SERINC5: variants seen among roughly 807,000 people sequenced by gnomAD.
SERINC5 encodes chromosome 5 open reading frame 12.
In SERINC5, 41 loss-of-function variants were observed where a neutral mutation model predicts 63.1. The observed-to-expected ratio is 0.65, with a 90% CI of 0.51 to 0.84. The LOEUF is 0.84. Ranked by LOEUF, SERINC5 falls within the 40% of genes least tolerant of loss-of-function variation. SERINC5 has a pLI of 0.00. For missense variants in SERINC5, 523 were observed against 573.0 expected (o/e 0.91, Z 0.89); for synonymous variants, 222 against 215.2 (o/e 1.03, Z -0.28).
chr5:80,119,473 T>C (rs1365047702), intron 11 of SERINC5, among the ~76,000 whole-genome samples: 1 of 151,986 alleles, frequency 6.6e-6, no homozygotes, highest in East Asian at 1.9e-4. Context: ...GCTGGGTGGG[T>C]TTGTCAGCAG....
intron 11 of SERINC5, among the ~76,000 whole-genome samples, chr5:80,123,661 G>A (rs951410220): frequency 2.0e-5 from 3 of 152,138 alleles, no homozygotes; most frequent in Admixed American, 1.3e-4. Context: ...ACTTAAAAGC[G>A]GAGCTGCTGT....
rs1301647645 is a variant in SERINC5 at position 80,203,009 on chromosome 5, A to G, written c.72T>C (p.Asp24=). ...CGSAGCSLCC[D]CCPRIRQSLS... is the part of the protein sequence containing the mutation. ...GGGACTGCCGAATCCTGGGGCAGCA[A>G]TCACAGCAGAGAGAGCAGCCTGCAG... Residue 24 remains aspartate (D), a synonymous_variant, in exon 2 of 12, where the codon GAT becomes GAC. Transcript: ENST00000507668. 3.7e-6 allele frequency: 6 copies of G among 1,612,914 alleles called. No individual in the cohort carries two copies. Among genetic ancestry groups the G allele is most frequent in the Non-Finnish European group, 5.1e-6 (6 of 1,179,430 alleles).
chr5:80,210,217 T>G (rs1403272250), intron 1 of SERINC5, among the ~76,000 whole-genome samples: 1 of 152,064 alleles, frequency 6.6e-6, no homozygotes, highest in African/African-American at 2.4e-5. Flanking sequence ...ACATCCTCCC[T>G]CCAACCGCAG....
At chr5:80,193,817 G>A (rs1749341098) in intron 2 of SERINC5, among the ~76,000 whole-genome samples, 1 of 152,254 alleles carries the variant, frequency 6.6e-6, no homozygotes, top group African/African-American at 2.4e-5. Context: ...GAGGGTACAG[G>A]GACTCCTTGC....
At position 80,139,758 on chromosome 5, in the gene SERINC5, G is replaced by A; in HGVS notation, c.*3905C>T. ...TTCAGTAAATTCCACAAGCCAAGTG[G>A]CTACTGCATTGTCCCTGAAGAAGGA... On this transcript the variant is annotated 3_prime_UTR_variant, in exon 12 of 12. Transcript: ENST00000507668. 3 of 985,430 alleles carry A rather than the reference G, an allele frequency of 3.0e-6. No homozygotes were observed. The highest frequency in any genetic ancestry group is 3.6e-6 in the Non-Finnish European group (3 of 829,944). The allele number at this position is 985,430 out of a possible 1,614,324, so 61.0% of individuals were successfully genotyped here.
intron 1 of SERINC5, among the ~76,000 whole-genome samples, chr5:80,220,981 CA>C: frequency 6.6e-6 from 1 of 151,930 alleles, no homozygotes; most frequent in African/African-American, 2.4e-5. Context: ...GGAAGCCCCC[CA>C]AGAGTGGAGG....
At position 80,182,819 on chromosome 5, in the gene SERINC5, T is replaced by A. The variant is rs959021455; in HGVS notation, c.196-4755A>T. Among the ~76,000 whole-genome samples the A allele has an allele frequency of 6.6e-5, 10 of 152,300 alleles. 1 individual carries two copies. Among genetic ancestry groups the A allele is most frequent in the African/African-American group, 2.2e-4 (9 of 41,562 alleles). ...CTTCAGCCTCCCAAAGTTCTGGGAT[T>A]ACAGGCGTGAACCACCATGCCCAGC... On this transcript the variant is annotated intron_variant, in intron 2 of 11. Transcript: ENST00000507668.
intron 2 of SERINC5, among the ~76,000 whole-genome samples, chr5:80,197,282 A>G (rs13177126): frequency 0.63 from 94,714 of 150,012 alleles, 30,336 homozygotes; most frequent in African/African-American, 0.73. Context: ...CGTTTCAGCC[A>G]GAGAGACAGA....
chr5:80,233,805 C>CTTTTTTTTT (rs373920343), intron 1 of SERINC5, among the ~76,000 whole-genome samples: 16 of 69,946 alleles, frequency 2.3e-4, no homozygotes, highest in East Asian at 4.5e-4. Context: ...TCAACTTTTA[C>CTTTTTTTTT]TTTTTTTTTT....
chr5:80,198,921 ATCAGGGTTGCCTTCCC>A, intron 2 of SERINC5, among the ~76,000 whole-genome samples: 1 of 152,314 alleles, frequency 6.6e-6, no homozygotes, highest in Non-Finnish European at 1.5e-5. Flanking sequence ...TGTGAGGGAC[ATCAGGGTTGCCTTCCC>A]TCTCTTCCTC....
intron 1 of SERINC5, among the ~76,000 whole-genome samples, chr5:80,224,979 T>C (rs964233870): frequency 3.3e-5 from 5 of 151,482 alleles, no homozygotes; most frequent in African/African-American, 1.2e-4. Flanking sequence ...TTGCTCTTGT[T>C]GCCCAGGCTG....
At chr5:80,218,632 G>A (rs1260618808) in intron 1 of SERINC5, among the ~76,000 whole-genome samples, 8 of 149,906 alleles carry the variant, frequency 5.3e-5, no homozygotes, top group Admixed American at 2.0e-4. Context: ...CCGAGATCAC[G>A]CCATTGCACT....
rs1304920335 is a variant in SERINC5 at position 80,173,588 on chromosome 5, T to C, written c.551+1366A>G. Among the ~76,000 whole-genome samples, 3 of 149,974 alleles carry C rather than the reference T, an allele frequency of 2.0e-5. No homozygotes were observed. In the Admixed American group the frequency reaches 2.0e-4, roughly 10 times the overall value. ...TCCAGCCTGGGCGACAGAACGAGACTCTGTCTCAAAAGAAAAGAAAAGAAA... is the reference window on the plus strand; with the variant it reads ...TCCAGCCTGGGCGACAGAACGAGACCCTGTCTCAAAAGAAAAGAAAAGAAA... On this transcript the variant is annotated intron_variant, in intron 5 of 11. Coordinates refer to ENST00000507668, the MANE Select transcript of SERINC5 (RefSeq NM_001174072.3).
intron 6 of SERINC5, among the ~76,000 whole-genome samples, chr5:80,167,847 G>A (rs1207667293): frequency 2.0e-5 from 3 of 152,108 alleles, no homozygotes; most frequent in African/African-American, 4.8e-5. Context: ...ACCACTTGCC[G>A]ACATAAAAGG....
intron 11 of SERINC5, among the ~76,000 whole-genome samples, chr5:80,129,851 G>A (rs1302533111): frequency 6.6e-6 from 1 of 152,130 alleles, no homozygotes; most frequent in African/African-American, 2.4e-5. Flanking sequence ...AGGTCAGAAG[G>A]TGTGTCATTT....
intron 2 of SERINC5, 76 bp downstream of exon 2, chr5:80,202,810 T>G: frequency 7.0e-7 from 1 of 1,432,772 alleles, no homozygotes; most frequent in Non-Finnish European, 9.6e-7. Flanking sequence ...ATGGACCCCA[T>G]CTTCTAAATC....
At chr5:80,166,596 A>T (rs1747318643) in intron 6 of SERINC5, 118 bp from the exon 7 acceptor site, 2 of 628,666 alleles carry the variant, frequency 3.2e-6, no homozygotes, top group East Asian at 5.9e-5. Context: ...CCTTTAAAGG[A>T]AAGAAAAGAG....
In SERINC5 at chr5:80,198,562, C is replaced by T. The variant is rs1046928237; in HGVS notation, c.195+4324G>A. 4.1e-6 allele frequency: 4 copies of T among 985,318 alleles called. No homozygotes were observed. In the African/African-American group the frequency reaches 5.2e-5, roughly 13 times the overall value. 61.0% of individuals were successfully genotyped at this position (985,318 alleles called of 1,614,324 possible). A position where few individuals can be genotyped will look rare whatever the true frequency, so the allele number is the denominator to read the frequency against. On this transcript the variant is annotated intron_variant, in intron 2 of 11. Coordinates refer to ENST00000507668, the MANE Select transcript of SERINC5 (RefSeq NM_001174072.3). ...GGCACTTACACACTCCCATCCGGGC[C>T]GTTACAAGCATGCAGTTCTTTCTCC...
chr5:80,251,296 A>G (rs1017183276), intron 1 of SERINC5, among the ~76,000 whole-genome samples: 2 of 74,792 alleles, frequency 2.7e-5, no homozygotes, highest in Non-Finnish European at 6.2e-5. Context: ...ACATGCATAC[A>G]TACATACATA....
Sources: allele counts gnomAD v4.1 joint callset (sites outside exome capture counted in the v4.1 genomes callset), GRCh38; gene constraint gnomAD v4.1.1; transcripts MANE v1.5; gene names NCBI Gene and HGNC (gene_info 2026-07-23, HGNC 2026-07-21).